TNS1: variants seen among roughly 807,000 people sequenced by gnomAD.
TNS1 encodes the protein tensin 1.
Under a neutral mutation model 168.6 loss-of-function variants are expected in TNS1, and 62 were observed. The observed-to-expected ratio is 0.37, with a 90% CI of 0.30 to 0.45. The LOEUF (loss-of-function observed/expected upper bound fraction) is 0.45, where lower values mean the gene tolerates loss of function less well. TNS1 is among the 20% of genes least tolerant of loss of function. The probability of loss-of-function intolerance (pLI) is 1.00; values close to 1 mark genes in which losing one functional copy is unlikely to be tolerated. For synonymous variants in TNS1, 934 were observed against 933.2 expected (o/e 1.00, Z -0.02); for missense variants, 2,240 against 2,339.4 (o/e 0.96, Z 0.88).
chr2:218,027,718 G>A (rs1302632811), intron 1 of TNS1, among the ~76,000 whole-genome samples: 1 of 152,184 alleles, frequency 6.6e-6, no homozygotes, highest in African/African-American at 2.4e-5. Context: ...GGGGACGGTG[G>A]GAGTGGAGGG....
intron 3 of TNS1, among the ~76,000 whole-genome samples, chr2:217,942,025 A>C (rs3791902): frequency 0.43 from 65,782 of 151,988 alleles, 19,698 homozygotes; most frequent in African/African-American, 0.86. Flanking sequence ...AAGCATCCCA[A>C]CCCAGCCCCG....
At chr2:218,013,212 C>T (rs1217620067), upstream of TNS1, among the ~76,000 whole-genome samples, 2 of 151,412 alleles carry the variant, frequency 1.3e-5, no homozygotes, top group South Asian at 2.1e-4. Flanking sequence ...GCCGAGATTG[C>T]GCCACTGCAC....
chr2:217,936,972 T>C lies in TNS1; in HGVS notation c.187-16736A>G, dbSNP rs1400397126. The C allele has an allele frequency of 9.2e-5, 42 of 456,744 alleles. No homozygotes were observed. In the Admixed American group the frequency reaches 9.6e-4, roughly 10 times the overall value. 28.3% of individuals were successfully genotyped at this position (456,744 alleles called of 1,614,324 possible). On this transcript the variant is annotated intron_variant, in intron 3 of 32. Transcript: ENST00000682258. ...GAGACCCACGCTTGTTATTTCTCCT[T>C]ACCTGCATGCCACTGGGCCTCTGCA...
Position 217,813,964 on chromosome 2 carries a change from CT to C in TNS1, c.4730-149del, listed in dbSNP as rs199684003. ...TTAAAATTTAACTACTCCTACGGGTCTTCCTGTACTCAGGTTGGCAAACTTA... is the reference window on the plus strand; with the variant it reads ...TTAAAATTTAACTACTCCTACGGGTCTCCTGTACTCAGGTTGGCAAACTTA... On this transcript the variant is annotated intron_variant, in intron 25 of 32. Coordinates refer to ENST00000682258, the MANE Select transcript of TNS1 (RefSeq NM_001387777.1). This position sits in a 1 kb window ranked among gnomAD's most constrained non-coding sequence, Gnocchi z 4.0. The C allele has an allele frequency of 9.3e-4, 887 of 949,054 alleles. 14 individuals are homozygous for C. In the East Asian group the frequency reaches 0.024, roughly 25 times the overall value. The allele number at this position is 949,054 out of a possible 1,614,324, so 58.8% of individuals were successfully genotyped here. A position where few individuals can be genotyped will look rare whatever the true frequency, so the allele number is the denominator to read the frequency against.
At chr2:217,915,268 G>A (rs1954878692) in intron 4 of TNS1, among the ~76,000 whole-genome samples, 1 of 152,164 alleles carries the variant, frequency 6.6e-6, no homozygotes, top group Non-Finnish European at 1.5e-5. Flanking sequence ...ATCCTTCTCT[G>A]CTTCCATGAG....
At position 217,848,525 on chromosome 2, in the gene TNS1, T is replaced by C. The variant is rs1947011765; in HGVS notation, c.1992A>G (p.Pro664=). Residue 664 remains proline, a synonymous_variant, in exon 19 of 33, where the codon CCA becomes CCG. Coordinates refer to ENST00000682258, the MANE Select transcript of TNS1 (RefSeq NM_001387777.1). ...SEGGYPEALS[P]LTNGLDKSYP... ...AGGACTTGTCCAGACCGTTGGTCAG[T>C]GGGGACAGGGCCTCTGGGTAGCCCC... 1 of 1,613,522 alleles carries C rather than the reference T, an allele frequency of 6.2e-7. No individual in the cohort carries two copies. The highest frequency in any genetic ancestry group is 1.1e-5 in the South Asian group (1 of 91,016).
At chr2:217,904,223 G>A (rs558465848) in intron 6 of TNS1, among the ~76,000 whole-genome samples, 17 of 152,116 alleles carry the variant, frequency 1.1e-4, no homozygotes, top group East Asian at 3.9e-4. Context: ...AACAAAGTGC[G>A]ACACAGCACA....
Position 218,002,824 on chromosome 2 carries a change from A to T in TNS1, c.33+16T>A. On this transcript the variant is annotated intron_variant, in intron 1 of 32. Transcript: ENST00000682258. Reference sequence around the variant, plus strand: ...TTGAGGAAGAGTAACGTCGCAGCTAAAGCAGCCAGACCTACCCAGAGCATG... The same window carrying T: ...TTGAGGAAGAGTAACGTCGCAGCTATAGCAGCCAGACCTACCCAGAGCATG... 1 of 456,678 alleles carries T rather than the reference A, an allele frequency of 2.2e-6. No individual in the cohort carries two copies. The highest frequency in any genetic ancestry group is 4.4e-6 in the Non-Finnish European group (1 of 226,916). 28.3% of individuals were successfully genotyped at this position (456,678 alleles called of 1,614,324 possible).
upstream of TNS1, among the ~76,000 whole-genome samples, chr2:218,003,459 C>T (rs575790036): frequency 2.4e-3 from 358 of 152,254 alleles, 6 homozygotes; most frequent in South Asian, 0.031. Context: ...CTGGCCTCCT[C>T]GGAACACACA....
Position 217,986,456 on chromosome 2 carries a change from C to A in TNS1, c.148+4486G>T, listed in dbSNP as rs1052561205. On this transcript the variant is annotated intron_variant, in intron 2 of 32. Coordinates refer to ENST00000682258, the MANE Select transcript of TNS1 (RefSeq NM_001387777.1). This position sits in a 1 kb window ranked among gnomAD's most constrained non-coding sequence, Gnocchi z 4.7. Reference sequence around the variant, plus strand: ...GCCCCAGATCAGGCCCTGATGGCAGCCCTCGGGCTGCTGAGCTGCCATCCT... The same window carrying A: ...GCCCCAGATCAGGCCCTGATGGCAGACCTCGGGCTGCTGAGCTGCCATCCT... Among the ~76,000 whole-genome samples the A allele has an allele frequency of 6.6e-6, 1 of 152,188 alleles. No individual in the cohort carries two copies. Among genetic ancestry groups the A allele is most frequent in the African/African-American group, 2.4e-5 (1 of 41,452 alleles).
intron 3 of TNS1, among the ~76,000 whole-genome samples, chr2:217,971,367 C>T (rs1177634721): frequency 3.3e-5 from 5 of 152,328 alleles, no homozygotes; most frequent in South Asian, 2.1e-4. Flanking sequence ...CTCAGCATGA[C>T]GTTTTAGAGG....
At chr2:217,837,153 C>T (rs970247653) in intron 19 of TNS1, among the ~76,000 whole-genome samples, 1 of 152,170 alleles carries the variant, frequency 6.6e-6, no homozygotes, top group Non-Finnish European at 1.5e-5. Context: ...AGATTCCCCG[C>T]CCTGCTTTCA....
intron 3 of TNS1, among the ~76,000 whole-genome samples, chr2:217,954,845 C>G (rs751942315): frequency 1.8e-4 from 27 of 152,320 alleles, no homozygotes; most frequent in Non-Finnish European, 3.8e-4. Flanking sequence ...TGCCCACACA[C>G]TCTCATGAGT....
Position 217,860,655 on chromosome 2 carries a change from T to C in TNS1, c.1430-11568A>G, listed in dbSNP as rs566934321. ...TTTATTTGTCCATCTGAATATCATCTACATTATTATTTTGTAAGTTATAAA... is the reference window on the plus strand; with the variant it reads ...TTTATTTGTCCATCTGAATATCATCCACATTATTATTTTGTAAGTTATAAA... On this transcript the variant is annotated intron_variant, in intron 18 of 32. Transcript: ENST00000682258. Among the ~76,000 whole-genome samples, 6 of 152,356 alleles carry C rather than the reference T, an allele frequency of 3.9e-5. No individual in the cohort carries two copies. In the South Asian group the frequency reaches 1.2e-3, roughly 32 times the overall value.
chr2:217,836,119 C>T lies in TNS1; in HGVS notation c.3100G>A (p.Glu1034Lys), dbSNP rs1329946725. ...CCAGGGCTACGAGGGGATGTGGCTT[C>T]TGGAGACTGGTTCTCATACTGTCCA... is the stretch of plus-strand genomic sequence containing the variant. The part of the protein sequence containing the change: ...SDGQYENQSP[E>K]ATSPRSPGVR... The change falls in exon 20 of 33, where the codon GAA (glutamate) becomes AAA (lysine). Residue 1034 changes from glutamate (E) to lysine (K), a missense_variant. By Grantham distance (56) the Glu-to-Lys change is moderately conservative. Transcript: ENST00000682258. 6.2e-7 allele frequency: 1 copy of T among 1,614,092 alleles called. No homozygotes were observed. The highest frequency in any genetic ancestry group is 8.5e-7 in the Non-Finnish European group (1 of 1,179,982).
At position 217,836,078 on chromosome 2, in the gene TNS1, G is replaced by A. The variant is rs201974170; in HGVS notation, c.3141C>T (p.Val1047=). Residue 1047 remains valine (V), a synonymous_variant, in exon 20 of 33, where the codon GTC becomes GTT. Transcript: ENST00000682258. ...GAGCCAGCTCCGGGGAGACACACTGGACAGGGGAGCGAACCCCAGGGCTAC... is the reference window on the plus strand; with the variant it reads ...GAGCCAGCTCCGGGGAGACACACTGAACAGGGGAGCGAACCCCAGGGCTAC... ...SPRSPGVRSP[V]QCVSPELALT... The A allele has an allele frequency of 1.2e-5, 19 of 1,614,070 alleles. No individual in the cohort carries two copies. Among genetic ancestry groups the A allele is most frequent in the Non-Finnish European group, 1.5e-5 (18 of 1,179,990 alleles).
At chr2:217,856,670 C>T (rs902515554) in intron 18 of TNS1, among the ~76,000 whole-genome samples, 6 of 151,946 alleles carry the variant, frequency 3.9e-5, no homozygotes, top group African/African-American at 9.7e-5. Flanking sequence ...GTTGGGAACA[C>T]GTAAAAAGAT....
upstream of TNS1, among the ~76,000 whole-genome samples, chr2:218,004,130 G>C (rs1217210163): frequency 1.3e-5 from 2 of 152,162 alleles, no homozygotes; most frequent in Non-Finnish European, 2.9e-5. Flanking sequence ...CTGTTCTTTG[G>C]AGCTGTCCAG....
intron 12 of TNS1, 138 bp from the exon 13 acceptor site, chr2:217,886,784 C>A: frequency 1.5e-6 from 1 of 682,132 alleles, no homozygotes; most frequent in South Asian, 1.8e-5. Context: ...TCCCCCTCCC[C>A]AACCAGGCCT....
Sources: gnomAD v4.1 joint callset for allele counts (sites outside exome capture counted in the v4.1 genomes callset) on GRCh38, gnomAD v4.1.1 for gene constraint, Gnocchi (gnomAD v3.1) non-coding constraint, MANE v1.5 for transcripts, NCBI Gene and HGNC (gene_info 2026-07-23, HGNC 2026-07-21) for gene names.